Variants in SPC25 observed in about 807,000 individuals in gnomAD.
SPC25 encodes kinetochore protein Spc25.
SPC25 carries 22 observed loss-of-function variants against 29.6 expected under a neutral mutation model. The ratio of observed to expected loss-of-function variants is 0.74; its 90% CI spans 0.53 to 1.06. The LOEUF (loss-of-function observed/expected upper bound fraction) is 1.06. Among genes scored for constraint, SPC25 ranks in the 50% least tolerant of loss-of-function variants. SPC25 has a pLI of 0.00. For missense variants in SPC25, 230 were observed against 255.8 expected, an observed-to-expected ratio of 0.90 and a Z score of 0.69; for synonymous variants, 91 against 90.4, an observed-to-expected ratio of 1.01 and a Z score of -0.04.
At chr2:168,864,505 C>T (rs1377449778) in intron 4 of SPC25, among the ~76,000 whole-genome samples, 2 of 49,746 alleles carry the variant, frequency 4.0e-5, no homozygotes, top group East Asian at 1.0e-3. Flanking sequence ...AGGCTGGTCT[C>T]GAAACTCCTG....
downstream of SPC25, among the ~76,000 whole-genome samples, chr2:168,867,482 AG>A (rs1689887613): frequency 6.6e-6 from 1 of 152,254 alleles, no homozygotes; most frequent in South Asian, 2.1e-4. Context: ...TGCTGTATTC[AG>A]GAAACCCATC....
intron 4 of SPC25, among the ~76,000 whole-genome samples, chr2:168,865,833 C>G (rs1689832526): frequency 1.3e-5 from 2 of 152,292 alleles, no homozygotes; most frequent in Non-Finnish European, 1.5e-5. Flanking sequence ...CAATAACAGA[C>G]AAACAGAGAG....
chr2:168,881,368 A>T (rs1246074032), intron 3 of SPC25, among the ~76,000 whole-genome samples: 1 of 152,070 alleles, frequency 6.6e-6, no homozygotes, highest in African/African-American at 2.4e-5. Context: ...ACCTGGCCAA[A>T]CCTCTCTGCT....
intron 3 of SPC25, among the ~76,000 whole-genome samples, chr2:168,879,956 G>A (rs1398949058): frequency 6.6e-6 from 1 of 152,096 alleles, no homozygotes; most frequent in Non-Finnish European, 1.5e-5. Context: ...CTCAACAGTG[G>A]GCCTAAAATA....
chr2:168,870,504 T>G (rs1689957932), downstream of SPC25, among the ~76,000 whole-genome samples: 1 of 151,582 alleles, frequency 6.6e-6, no homozygotes, highest in Non-Finnish European at 1.5e-5. Context: ...CTCAAACAAA[T>G]TTACAAGAAA....
intron 3 of SPC25, among the ~76,000 whole-genome samples, chr2:168,877,854 ACAC>A: frequency 6.6e-6 from 1 of 152,172 alleles, no homozygotes; most frequent in Non-Finnish European, 1.5e-5. Flanking sequence ...CTACAGGCAC[ACAC>A]CACATCACGC....
At position 168,889,258 on chromosome 2, in the gene SPC25, C is replaced by T. The variant is rs1479512620; in HGVS notation, c.167G>A (p.Arg56Gln). Residue 56 changes from arginine (R) to glutamine (Q), a missense_variant, in exon 3 of 7, where the codon CGA becomes CAA. Coordinates refer to ENST00000282074, the MANE Select transcript of SPC25 (RefSeq NM_020675.4). Reference sequence around the variant, plus strand: ...ATATTCCAGAAACATCTCAACCATTCGTTCTTCTTCCTTTAATTTCACAGA... The same window carrying T: ...ATATTCCAGAAACATCTCAACCATTTGTTCTTCTTCCTTTAATTTCACAGA... ...KLSVKLKEEE[R>Q]MVEMFLEYQN... 6 of 1,613,650 alleles carry T rather than the reference C, an allele frequency of 3.7e-6. No homozygotes were observed. Among genetic ancestry groups the T allele is most frequent in the Non-Finnish European group, 2.5e-6 (3 of 1,179,902 alleles).
At chr2:168,864,670 T>C (rs1689742251) in intron 4 of SPC25, among the ~76,000 whole-genome samples, 1 of 152,230 alleles carries the variant, frequency 6.6e-6, no homozygotes, top group Non-Finnish European at 1.5e-5. Flanking sequence ...TTATGCCTGC[T>C]TTATACACAG....
At chr2:168,867,716 G>A (rs1048164969), downstream of SPC25, among the ~76,000 whole-genome samples, 3 of 152,120 alleles carry the variant, frequency 2.0e-5, no homozygotes, top group Admixed American at 6.6e-5. Context: ...CCCAATACAG[G>A]AGCACCCAGA....
At chr2:168,887,272 A>G (rs1166120158) in intron 3 of SPC25, among the ~76,000 whole-genome samples, 1 of 151,978 alleles carries the variant, frequency 6.6e-6, no homozygotes, top group African/African-American at 2.4e-5. Context: ...AATACAAAAA[A>G]TTAGTGGTGC....
chr2:168,889,939 TCTC>T (rs1690363352), intron 1 of SPC25, among the ~76,000 whole-genome samples: 1 of 152,052 alleles, frequency 6.6e-6, no homozygotes, highest in East Asian at 1.9e-4. Context: ...ATCCTGTCTC[TCTC>T]CTCCACCTCA....
At chr2:168,868,167 A>G (rs1689903937), downstream of SPC25, among the ~76,000 whole-genome samples, 1 of 152,250 alleles carries the variant, frequency 6.6e-6, no homozygotes, top group South Asian at 2.1e-4. Flanking sequence ...GAGAACAAAG[A>G]CACAACATAC....
At chr2:168,870,718 A>C (rs1689963167), downstream of SPC25, among the ~76,000 whole-genome samples, 1 of 151,472 alleles carries the variant, frequency 6.6e-6, no homozygotes, top group Non-Finnish European at 1.5e-5. Flanking sequence ...CAGGTGCTGG[A>C]GAGGATGTGG....
At position 168,887,738 on chromosome 2, in the gene SPC25, T is replaced by A. The variant is rs576580628; in HGVS notation, c.199+1488A>T. On this transcript the variant is annotated intron_variant, in intron 3 of 6. Transcript: ENST00000282074. Reference sequence around the variant, plus strand: ...GGTTTACTCTGGACAACCTGGAGAGTAGTAGAAATAAGATGGCAAGAATAG... The same window carrying A: ...GGTTTACTCTGGACAACCTGGAGAGAAGTAGAAATAAGATGGCAAGAATAG... 1.6e-4 allele frequency among the ~76,000 whole-genome samples: 24 copies of A among 152,148 alleles called. No individual in the cohort carries two copies. In the South Asian group the frequency reaches 2.3e-3, roughly 14 times the overall value.
At chr2:168,862,004 T>G (rs371977853) in intron 4 of SPC25, 4 of 1,614,082 alleles carry the variant, frequency 2.5e-6, no homozygotes, top group African/African-American at 1.3e-5. Flanking sequence ...CAAGGCCTTG[T>G]ATTCTTTTCA....
At chr2:168,862,202 C>T (rs1449393672) in intron 4 of SPC25, among the ~76,000 whole-genome samples, 8 of 152,208 alleles carry the variant, frequency 5.3e-5, no homozygotes, top group Non-Finnish European at 1.2e-4. Flanking sequence ...AACAAAAGCT[C>T]GCATAATGAT....
chr2:168,878,349 A>T (rs1344652639), intron 3 of SPC25, among the ~76,000 whole-genome samples: 1 of 152,238 alleles, frequency 6.6e-6, no homozygotes, highest in East Asian at 1.9e-4. Flanking sequence ...CATCACATGA[A>T]TAAGAATTGA....
At position 168,861,932 on chromosome 2, in the gene SPC25, A is replaced by G. The variant is rs770979192; in HGVS notation, n.419+11653T>C. ...ATATTCATTTGCCTGCTAACACAGC[A>G]TACTAATTACAGCTTTATCTATTTC... is the stretch of plus-strand genomic sequence containing the variant. On this transcript the variant is annotated intron_variant and non_coding_transcript_variant, in intron 4 of 4. Transcript: ENST00000479309. 6.6e-5 allele frequency: 106 copies of G among 1,604,636 alleles called. 1 individual carries two copies. Among genetic ancestry groups the G allele is most frequent in the African/African-American group, 1.3e-4 (10 of 74,768 alleles).
At chr2:168,884,309 T>C (rs917397112) in intron 3 of SPC25, among the ~76,000 whole-genome samples, 1 of 152,238 alleles carries the variant, frequency 6.6e-6, no homozygotes, top group African/African-American at 2.4e-5. Flanking sequence ...AAAACAGGGA[T>C]AATCTCTGTC....
Sources: gnomAD v4.1 joint callset for allele counts (sites outside exome capture counted in the v4.1 genomes callset) on GRCh38, gnomAD v4.1.1 for gene constraint, MANE v1.5 for transcripts, NCBI Gene and HGNC (gene_info 2026-07-23, HGNC 2026-07-21) for gene names.